Variants in MTUS2 observed in about 807,000 individuals in gnomAD.
MTUS2 encodes the protein microtubule-associated tumor suppressor candidate 2.
MTUS2 carries 40 observed loss-of-function variants against 114.1 expected under a neutral mutation model. The ratio of observed to expected loss-of-function variants is 0.35; its 90% CI spans 0.27 to 0.46. MTUS2 has a LOEUF of 0.46. MTUS2 is among the 20% of genes least tolerant of loss of function. The pLI is 1.00. For synonymous variants in MTUS2, 688 were observed against 672.0 expected (o/e 1.02, Z -0.37); for missense variants, 1,679 against 1,705.4 (o/e 0.98, Z 0.27).
chr13:29,405,657 C>T (rs950196203), intron 8 of MTUS2, among the ~76,000 whole-genome samples: 2 of 151,888 alleles, frequency 1.3e-5, no homozygotes, highest in Non-Finnish European at 2.9e-5. Context: ...GCAACACTTG[C>T]GAAGCTCTGA....
chr13:29,259,964 G>A (rs533930249), intron 5 of MTUS2, among the ~76,000 whole-genome samples: 2 of 152,330 alleles, frequency 1.3e-5, no homozygotes, highest in African/African-American at 4.8e-5. Flanking sequence ...CAGTGCTGTG[G>A]CAGCACCTGC....
At chr13:29,227,475 C>T (rs1316932385) in intron 5 of MTUS2, among the ~76,000 whole-genome samples, 1 of 152,158 alleles carries the variant, frequency 6.6e-6, no homozygotes, top group East Asian at 1.9e-4. Flanking sequence ...GACCTGAGCC[C>T]TTTGGCTTCT....
chr13:29,155,881 A>G (rs1566036687), intron 5 of MTUS2, among the ~76,000 whole-genome samples: 2 of 151,978 alleles, frequency 1.3e-5, no homozygotes, highest in South Asian at 2.1e-4. Context: ...TTAATGTTCT[A>G]TCATTACGAG....
intron 8 of MTUS2, among the ~76,000 whole-genome samples, chr13:29,394,230 G>A (rs1490724303): frequency 6.6e-6 from 1 of 152,172 alleles, no homozygotes; most frequent in Non-Finnish European, 1.5e-5. Flanking sequence ...TGCCCAAGGT[G>A]ATTGGGTTAC....
At chr13:29,444,173 C>T (rs1003839525) in intron 9 of MTUS2, among the ~76,000 whole-genome samples, 13 of 152,192 alleles carry the variant, frequency 8.5e-5, no homozygotes, top group Admixed American at 3.3e-4. Flanking sequence ...CCTATAATCC[C>T]AGCACTTTGG....
intron 9 of MTUS2, among the ~76,000 whole-genome samples, chr13:29,458,694 C>T (rs914142317): frequency 1.5e-4 from 23 of 152,162 alleles, no homozygotes; most frequent in African/African-American, 1.9e-4. Flanking sequence ...GACAACTCTC[C>T]ATAGTCAAAA....
At chr13:28,987,343 G>T (rs567569909) in intron 2 of MTUS2, among the ~76,000 whole-genome samples, 1 of 152,268 alleles carries the variant, frequency 6.6e-6, no homozygotes, top group Non-Finnish European at 1.5e-5. Context: ...AGATCGAGTC[G>T]CATTGCACAG....
chr13:28,912,975 TTTGCTGAAG>T (rs1175997590), intron 2 of MTUS2, among the ~76,000 whole-genome samples: 2 of 152,196 alleles, frequency 1.3e-5, no homozygotes, highest in African/African-American at 4.8e-5. Flanking sequence ...ATCCTGAGAC[TTTGCTGAAG>T]TTGCTTATCA....
intron 1 of MTUS2, among the ~76,000 whole-genome samples, chr13:28,827,798 G>A (rs1874371038): frequency 6.6e-6 from 1 of 152,194 alleles, no homozygotes. Flanking sequence ...CAAAAGGGGA[G>A]GGAGTGTACG....
At chr13:29,019,343 A>C (rs1027612353) in intron 2 of MTUS2, among the ~76,000 whole-genome samples, 5 of 152,136 alleles carry the variant, frequency 3.3e-5, no homozygotes, top group African/African-American at 9.7e-5. Flanking sequence ...TTCTGCTAAC[A>C]TTGGTGTCGA....
At chr13:29,335,244 A>C (rs189774487) in intron 7 of MTUS2, among the ~76,000 whole-genome samples, 3 of 152,150 alleles carry the variant, frequency 2.0e-5, no homozygotes, top group East Asian at 1.9e-4. Context: ...TTACGGTCGT[A>C]GATAAGGGAT....
intron 8 of MTUS2, among the ~76,000 whole-genome samples, chr13:29,361,089 C>T (rs533492673): frequency 6.6e-5 from 10 of 152,224 alleles, no homozygotes; most frequent in Admixed American, 5.9e-4. Context: ...GGGGTCAGTT[C>T]CCTGTAGTTA....
intron 8 of MTUS2, among the ~76,000 whole-genome samples, chr13:29,390,702 G>A (rs1179579346): frequency 6.6e-6 from 1 of 151,636 alleles, no homozygotes; most frequent in African/African-American, 2.4e-5. Context: ...CCCCGTTGGG[G>A]TAAAATCGGT....
At chr13:29,435,772 A>ATCCTCT in intron 8 of MTUS2, among the ~76,000 whole-genome samples, 2 of 152,376 alleles carry the variant, frequency 1.3e-5, no homozygotes, top group African/African-American at 4.8e-5. Context: ...ATAAATTAGA[A>ATCCTCT]GAGTTGATAT....
intron 5 of MTUS2, among the ~76,000 whole-genome samples, chr13:29,178,728 C>T (rs1893878367): frequency 1.3e-5 from 2 of 151,930 alleles, no homozygotes; most frequent in African/African-American, 4.8e-5. Flanking sequence ...TTAAGACATT[C>T]TAATTTATAT....
intron 7 of MTUS2, among the ~76,000 whole-genome samples, chr13:29,358,937 A>G (rs954865017): frequency 2.1e-5 from 3 of 140,094 alleles, no homozygotes; most frequent in East Asian, 2.3e-4. Flanking sequence ...AGACATTGTC[A>G]AAGAGTAATC....
chr13:28,984,327 C>T (rs940726125), intron 2 of MTUS2, among the ~76,000 whole-genome samples: 5 of 152,230 alleles, frequency 3.3e-5, no homozygotes, highest in Non-Finnish European at 1.5e-5. Flanking sequence ...CTCTCTCCTT[C>T]TACCCCTCCT....
At chr13:28,912,756 A>G (rs897838824) in intron 2 of MTUS2, among the ~76,000 whole-genome samples, 1 of 151,958 alleles carries the variant, frequency 6.6e-6, no homozygotes, top group Non-Finnish European at 1.5e-5. Context: ...CTGTATTCCT[A>G]GGTATTTTTA....
intron 2 of MTUS2, among the ~76,000 whole-genome samples, chr13:28,919,915 T>C (rs546996883): frequency 4.6e-5 from 7 of 152,350 alleles, no homozygotes; most frequent in South Asian, 4.1e-4. Context: ...GCTTTGTTCT[T>C]TTTAATAATT....
Sources: allele counts gnomAD v4.1 joint callset (sites outside exome capture counted in the v4.1 genomes callset), GRCh38; gene constraint gnomAD v4.1.1; transcripts MANE v1.5; gene names NCBI Gene and HGNC (gene_info 2026-07-23, HGNC 2026-07-21).